PEG3: variants seen among roughly 807,000 people sequenced by gnomAD.
The protein encoded by PEG3 is paternally expressed 3, also known as paternally-expressed gene 3 protein.
A neutral mutation model predicts 35.5 loss-of-function variants in PEG3; 23 were observed. The observed-to-expected ratio is 0.65, with a 90% CI of 0.47 to 0.92. The LOEUF is 0.92. Ranked by LOEUF, PEG3 falls within the 40% of genes least tolerant of loss-of-function variation. The pLI is 0.00. For missense variants in PEG3, 1,960 were observed against 1,985.3 expected (o/e 0.99, Z 0.24); for synonymous variants, 707 against 697.0 (o/e 1.01, Z -0.23).
Position 56,813,861 on chromosome 19 carries a change from A to G in PEG3, c.4581T>C (p.His1527=). The change falls in exon 10 of 10, where the codon CAT becomes CAC. Residue 1527 remains histidine (H), a synonymous_variant. Coordinates refer to ENST00000326441, the MANE Select transcript of PEG3 (RefSeq NM_006210.3). ...CAGGCTCAAATATGATCATGCTGGC[A>G]TGAGTTTTCAGGTGTTCACTGAATG... ...STAFSEHLKT[H]ASMIIFEPAN... 6.2e-7 allele frequency: 1 copy of G among 1,614,220 alleles called. No individual in the cohort carries two copies. Among genetic ancestry groups the G allele is most frequent in the Non-Finnish European group, 8.5e-7 (1 of 1,180,040 alleles).
intron 7 of PEG3, 95 bp downstream of exon 7, chr19:56,821,556 T>C (rs533937425): frequency 2.2e-5 from 33 of 1,485,508 alleles, no homozygotes; most frequent in Non-Finnish European, 2.9e-5. Context: ...AGCTGGACTC[T>C]AGGGGGCAGA....
At chr19:56,822,396 T>C (rs938220956) in intron 6 of PEG3, 2 of 222,616 alleles carry the variant, frequency 9.0e-6, no homozygotes, top group Admixed American at 5.3e-5. Context: ...TAGTTAACAA[T>C]ATTGTTACAA....
Position 56,815,988 on chromosome 19 carries a change from A to G in PEG3, c.2454T>C (p.Val818=). The change falls in exon 10 of 10, where the codon GTT becomes GTC. Residue 818 remains valine (V), a synonymous_variant. Transcript: ENST00000326441. ...CTTCAGAGGTGTTCCCTCCAGCACG[A>G]ACTCTCTGATGGTTGATAGCATCGA... ...QSFDAINHQR[V]RAGGNTSEGR... 6.3e-7 allele frequency: 1 copy of G among 1,584,934 alleles called. No homozygotes were observed. Among genetic ancestry groups the G allele is most frequent in the South Asian group, 1.2e-5 (1 of 85,716 alleles).
At position 56,815,271 on chromosome 19, in the gene PEG3, C is replaced by T. The variant is rs2059868974; in HGVS notation, c.3171G>A (p.Lys1057=). ...NTNQKIYDQE[K]SHGEESQGEN... Reference sequence around the variant, plus strand: ...CGCCTTGAGACTCCTCGCCATGAGACTTCTCTTGGTCATAGATTTTCTGGT... The same window carrying T: ...CGCCTTGAGACTCCTCGCCATGAGATTTCTCTTGGTCATAGATTTTCTGGT... The change falls in exon 10 of 10, where the codon AAG becomes AAA. Residue 1057 remains lysine, a synonymous_variant. Coordinates refer to ENST00000326441, the MANE Select transcript of PEG3 (RefSeq NM_006210.3). The T allele has an allele frequency of 1.2e-6, 2 of 1,614,116 alleles. No individual in the cohort carries two copies. The highest frequency in any genetic ancestry group is 1.7e-6 in the Non-Finnish European group (2 of 1,180,040).
In PEG3 at chr19:56,814,509, G is replaced by A. The variant is rs117718960; in HGVS notation, c.3933C>T (p.Tyr1311=). The change falls in exon 10 of 10, where the codon TAC becomes TAT. Residue 1311 remains tyrosine (Y), a synonymous_variant. Transcript: ENST00000326441. The surrounding 1 kb of genome is among the most constrained non-coding windows in gnomAD (Gnocchi z 5.8). The part of the protein sequence containing the change: ...VTVHKNEPYE[Y]GSSYTHTSFL... ...ATGAGGTGTGAGTATAGGAGGACCC[G>A]TACTCATAGGGCTCATTCTTATGAA... The A allele has an allele frequency of 6.6e-3, 10,576 of 1,613,516 alleles. 56 individuals carry two copies. Among genetic ancestry groups the A allele is most frequent in the Non-Finnish European group, 8.4e-3 (9,917 of 1,179,454 alleles).
Position 56,818,531 on chromosome 19 carries a change from A to G in PEG3, c.772+69T>C, listed in dbSNP as rs994563398. Reference sequence around the variant, plus strand: ...TAATGTGGACTCTAACATCCAGCTTAAAAAGGAGCAAGATGACAAAATGCT... The same window carrying G: ...TAATGTGGACTCTAACATCCAGCTTGAAAAGGAGCAAGATGACAAAATGCT... On this transcript the variant is annotated intron_variant, in intron 8 of 9. Coordinates refer to ENST00000326441, the MANE Select transcript of PEG3 (RefSeq NM_006210.3). 87 of 1,543,542 alleles carry G rather than the reference A, an allele frequency of 5.6e-5. 1 individual carries two copies. Among genetic ancestry groups the G allele is most frequent in the Non-Finnish European group, 1.3e-5 (14 of 1,119,092 alleles).
chr19:56,814,550 C>T lies in PEG3; in HGVS notation c.3892G>A (p.Ala1298Thr), dbSNP rs775133507. ...GESFVNPAELADHVTVHKNEP... is the reference protein window; with the variant it reads ...GESFVNPAELTDHVTVHKNEP... ...TTCTTATGAACAGTTACGTGATCTG[C>T]AAGTTCTGCTGGGTTGACGAAAGAT... The change falls in exon 10 of 10, where the codon GCA becomes ACA. Residue 1298 changes from alanine (A) to threonine (T), a missense_variant. By Grantham distance (58) the Ala-to-Thr change is moderately conservative. Transcript: ENST00000326441. The surrounding 1 kb of genome is among the most constrained non-coding windows in gnomAD (Gnocchi z 5.8). 6.2e-7 allele frequency: 1 copy of T among 1,613,694 alleles called. No individual in the cohort carries two copies. Among genetic ancestry groups the T allele is most frequent in the Non-Finnish European group, 8.5e-7 (1 of 1,179,786 alleles).
Position 56,813,840 on chromosome 19 carries a change from C to T in PEG3, c.4602G>A (p.Glu1534=). 2 of 1,614,110 alleles carry T rather than the reference C, an allele frequency of 1.2e-6. No individual in the cohort carries two copies. Among genetic ancestry groups the T allele is most frequent in the Non-Finnish European group, 8.5e-7 (1 of 1,180,028 alleles). The change falls in exon 10 of 10, where the codon GAG becomes GAA. Residue 1534 remains glutamate (E), a synonymous_variant. Transcript: ENST00000326441. ...AGCACTCCCCAAAGGCATTTGCAGGCTCAAATATGATCATGCTGGCATGAG... is the reference window on the plus strand; with the variant it reads ...AGCACTCCCCAAAGGCATTTGCAGGTTCAAATATGATCATGCTGGCATGAG... ...LKTHASMIIF[E]PANAFGECSG...
At position 56,815,791 on chromosome 19, in the gene PEG3, C is replaced by T. The variant is rs746345808; in HGVS notation, c.2651G>A (p.Gly884Glu). 4.3e-6 allele frequency: 7 copies of T among 1,613,464 alleles called. No homozygotes were observed. In the African/African-American group the frequency reaches 9.3e-5, roughly 22 times the overall value. ...KIPARENPCE[G>E]GSKNRNYEDS... is the part of the protein sequence containing the mutation. ...TTCATAGTTGCGATTCTTACTGCCC[C>T]CTTCACAAGGGTTCTCTCTGGCAGG... Residue 884 changes from glycine (G) to glutamate (E), a missense_variant, in exon 10 of 10, where the codon GGG (glycine) becomes GAG (glutamate). This residue lies in a region of PEG3 where 798 missense variants were observed against 782.4 expected (regional missense o/e 1.02). Transcript: ENST00000326441.
chr19:56,812,440 T>C lies in PEG3; in HGVS notation c.*1235A>G. ...AGAATTTTTTTTTTTTTAATGCAAG[T>C]TAGACATGGAGTTAGAGGGTCAGAT... On this transcript the variant is annotated 3_prime_UTR_variant, in exon 10 of 10. Transcript: ENST00000326441. 1.0e-6 allele frequency: 1 copy of C among 984,434 alleles called. No homozygotes were observed. The highest frequency in any genetic ancestry group is 1.2e-6 in the Non-Finnish European group (1 of 829,154). 61.0% of individuals were successfully genotyped at this position (984,434 alleles called of 1,614,324 possible).
At chr19:56,823,971 T>C (rs2060768267) in intron 4 of PEG3, among the ~76,000 whole-genome samples, 2 of 152,078 alleles carry the variant, frequency 1.3e-5, no homozygotes, top group South Asian at 4.1e-4. Flanking sequence ...ATAGGAGGTT[T>C]TCTCCCTTCT....
chr19:56,836,165 G>T (rs192051237), intron 1 of PEG3, 61 bp from the exon 2 acceptor site: 4 of 434,004 alleles, frequency 9.2e-6, no homozygotes, highest in South Asian at 1.6e-5. Flanking sequence ...GGTTCCTCAG[G>T]GGGGAACAAT....
chr19:56,820,865 G>A (rs1307154616), intron 7 of PEG3, among the ~76,000 whole-genome samples: 3 of 152,152 alleles, frequency 2.0e-5, no homozygotes, highest in African/African-American at 7.2e-5. Context: ...ACATGGGATG[G>A]GTACTGATAT....
chr19:56,836,969 C>CAAAAAA (rs573566620), intron 1 of PEG3, among the ~76,000 whole-genome samples: 13 of 116,980 alleles, frequency 1.1e-4, no homozygotes, highest in East Asian at 5.8e-4. Flanking sequence ...GACTCTGTCT[C>CAAAAAA]AAAAAAAAAA....
chr19:56,823,158 T>C (rs2060663979), intron 5 of PEG3, among the ~76,000 whole-genome samples: 1 of 152,164 alleles, frequency 6.6e-6, no homozygotes, highest in Non-Finnish European at 1.5e-5. Context: ...GAGAATGGAC[T>C]GCAGACCCCC....
Position 56,836,049 on chromosome 19 carries a change from T to G in PEG3, c.-194A>C, listed in dbSNP as rs541965679. The G allele has an allele frequency of 2.5e-4, 127 of 509,796 alleles. No individual in the cohort carries two copies. Among genetic ancestry groups the G allele is most frequent in the African/African-American group, 2.3e-3 (120 of 51,910 alleles). The allele number at this position is 509,796 out of a possible 1,614,324, so 31.6% of individuals were successfully genotyped here. On this transcript the variant is annotated 5_prime_UTR_variant, in exon 2 of 10. Transcript: ENST00000326441. Reference sequence around the variant, plus strand: ...CCAGCCACCTAGCGTTTGGACCTAGTCCCTCTTCCTCTCGCCAGTCGTCTC... The same window carrying G: ...CCAGCCACCTAGCGTTTGGACCTAGGCCCTCTTCCTCTCGCCAGTCGTCTC...
chr19:56,837,862 G>C (rs2062360081), intron 1 of PEG3, among the ~76,000 whole-genome samples: 2 of 152,196 alleles, frequency 1.3e-5, no homozygotes, highest in East Asian at 3.9e-4. Context: ...TACTAGGATG[G>C]ACGGGGCTCA....
chr19:56,840,344 C>T (rs913260860), intron 1 of PEG3, among the ~76,000 whole-genome samples: 10 of 152,200 alleles, frequency 6.6e-5, no homozygotes, highest in Non-Finnish European at 1.2e-4. Context: ...GCCCGGGCTG[C>T]GCCCACCCCT....
chr19:56,813,878 C>T lies in PEG3; in HGVS notation c.4564G>A (p.Glu1522Lys), dbSNP rs762589894. The change falls in exon 10 of 10, where the codon GAA (glutamate) becomes AAA (lysine). Residue 1522 changes from glutamate (E) to lysine (K), a missense_variant. Around this residue, in one of 5 missense-constraint regions of PEG3, gnomAD observed 416 missense variants for 416.7 expected, o/e 1.00. Coordinates refer to ENST00000326441, the MANE Select transcript of PEG3 (RefSeq NM_006210.3). Reference sequence around the variant, plus strand: ...ATGCTGGCATGAGTTTTCAGGTGTTCACTGAATGCTGTGCTGGAAGTGAAG... The same window carrying T: ...ATGCTGGCATGAGTTTTCAGGTGTTTACTGAATGCTGTGCTGGAAGTGAAG... ...ETFTSSTAFS[E>K]HLKTHASMII... 30 of 1,614,088 alleles carry T rather than the reference C, an allele frequency of 1.9e-5. No homozygotes were observed. The highest frequency in any genetic ancestry group is 2.5e-5 in the Non-Finnish European group (29 of 1,180,046).
Sources: gnomAD v4.1 joint callset for allele counts (sites outside exome capture counted in the v4.1 genomes callset) on GRCh38, gnomAD v4.1.1 for gene constraint, gnomAD v4.1.1 regional missense constraint, Gnocchi (gnomAD v3.1) non-coding constraint, MANE v1.5 for transcripts, NCBI Gene and HGNC (gene_info 2026-07-23, HGNC 2026-07-21) for gene names.